SORCS1: variants seen among roughly 807,000 people sequenced by gnomAD.
SORCS1 encodes VPS10 domain-containing receptor SorCS1.
SORCS1 carries 60 observed loss-of-function variants against 146.1 expected under a neutral mutation model. The observed-to-expected ratio is 0.41, with a 90% CI of 0.33 to 0.51. The LOEUF (loss-of-function observed/expected upper bound fraction) is 0.51. SORCS1 is among the 20% of genes least tolerant of loss of function. The pLI, the probability that SORCS1 is intolerant of heterozygous loss-of-function variation, is 0.21. For synonymous variants in SORCS1, 637 were observed against 584.0 expected, an observed-to-expected ratio of 1.09 and a Z score of -1.31; for missense variants, 1,352 against 1,487.6, an observed-to-expected ratio of 0.91 and a Z score of 1.50.
chr10:107,091,851 G>T (rs1964206966), intron 1 of SORCS1, among the ~76,000 whole-genome samples: 1 of 152,036 alleles, frequency 6.6e-6, no homozygotes, highest in Non-Finnish European at 1.5e-5. Context: ...TTAATATTCT[G>T]CAATGGCCAA....
chr10:106,994,000 G>T (rs1358326667), intron 1 of SORCS1, among the ~76,000 whole-genome samples: 5 of 142,176 alleles, frequency 3.5e-5, no homozygotes, highest in Non-Finnish European at 6.0e-5. Flanking sequence ...GGTGGAGACT[G>T]CAGTGAGCCA....
Position 107,027,339 on chromosome 10 carries a change from T to C in SORCS1, c.559-70759A>G, listed in dbSNP as rs562162454. Among the ~76,000 whole-genome samples, 52 of 152,044 alleles carry C rather than the reference T, an allele frequency of 3.4e-4. 1 individual carries two copies. Among genetic ancestry groups the C allele is most frequent in the South Asian group, 8.3e-4 (4 of 4,800 alleles). ...GAGTAGGGTGATGGTGGCTCTCCAT[T>C]CCTCACTAATGTCCCCATCCGAGCA... On this transcript the variant is annotated intron_variant, in intron 1 of 25. Transcript: ENST00000263054.
chr10:106,850,354 T>C (rs1228109741), intron 2 of SORCS1, among the ~76,000 whole-genome samples: 1 of 152,062 alleles, frequency 6.6e-6, no homozygotes, highest in Non-Finnish European at 1.5e-5. Context: ...ATTTTCCAGG[T>C]GCGTCCGTCA....
intron 1 of SORCS1, among the ~76,000 whole-genome samples, chr10:107,102,107 G>A (rs1964966722): frequency 6.6e-6 from 1 of 152,156 alleles, no homozygotes; most frequent in African/African-American, 2.4e-5. Flanking sequence ...CTAATGACTA[G>A]CATAATGCAA....
chr10:106,670,448 A>G (rs535563755), intron 16 of SORCS1, among the ~76,000 whole-genome samples: 8 of 152,336 alleles, frequency 5.3e-5, no homozygotes, highest in African/African-American at 1.7e-4. Flanking sequence ...TTGCAATGCC[A>G]TTGAATCCAT....
At chr10:107,105,519 T>C (rs1328979035) in intron 1 of SORCS1, among the ~76,000 whole-genome samples, 1 of 152,166 alleles carries the variant, frequency 6.6e-6, no homozygotes, top group Non-Finnish European at 1.5e-5. Flanking sequence ...AGTCTGTGGC[T>C]GAAGGCCCGA....
chr10:106,776,718 G>T, intron 3 of SORCS1, 26 bp from the exon 4 acceptor site: 1 of 1,585,304 alleles, frequency 6.3e-7, no homozygotes, highest in Non-Finnish European at 8.6e-7. Flanking sequence ...GTTGGAGAAA[G>T]AAACAACAGA....
At chr10:106,872,332 G>C (rs1265685954) in intron 2 of SORCS1, among the ~76,000 whole-genome samples, 3 of 152,324 alleles carry the variant, frequency 2.0e-5, no homozygotes, top group African/African-American at 7.2e-5. Flanking sequence ...ACCAAGCTCA[G>C]GATATCTGAC....
At chr10:106,814,469 G>C (rs1947630740) in intron 3 of SORCS1, among the ~76,000 whole-genome samples, 1 of 152,126 alleles carries the variant, frequency 6.6e-6, no homozygotes, top group East Asian at 1.9e-4. Flanking sequence ...TCTAGTTAAA[G>C]GCAACCAGTC....
chr10:107,014,266 A>C (rs1425026917), intron 1 of SORCS1, among the ~76,000 whole-genome samples: 2 of 137,838 alleles, frequency 1.5e-5, no homozygotes, highest in East Asian at 3.9e-4. Flanking sequence ...AAAAAAAAAA[A>C]AAAAAAGAAA....
intron 2 of SORCS1, among the ~76,000 whole-genome samples, chr10:106,862,004 T>G (rs1183747910): frequency 6.6e-6 from 1 of 152,236 alleles, no homozygotes; most frequent in Non-Finnish European, 1.5e-5. Flanking sequence ...CATGTTTAAC[T>G]GAGCTTTTGT....
intron 2 of SORCS1, among the ~76,000 whole-genome samples, chr10:106,931,713 A>C (rs1953428919): frequency 6.6e-6 from 1 of 152,100 alleles, no homozygotes. Context: ...TCCTTTTTTT[A>C]GGGTTGTGTA....
chr10:106,996,533 T>G (rs563393585), intron 1 of SORCS1, among the ~76,000 whole-genome samples: 1 of 152,290 alleles, frequency 6.6e-6, no homozygotes, highest in South Asian at 2.1e-4. Context: ...CCTAGGATCC[T>G]TAGAAATCAG....
chr10:107,179,830 A>G, the SORCS1 span, among the ~76,000 whole-genome samples: 18 of 150,540 alleles, frequency 1.2e-4, no homozygotes, highest in Non-Finnish European at 2.4e-4. Flanking sequence ...TGTCAGATAT[A>G]CGGTTAGCAA....
At chr10:107,129,391 G>C (rs193150425) in intron 1 of SORCS1, among the ~76,000 whole-genome samples, 2 of 152,274 alleles carry the variant, frequency 1.3e-5, no homozygotes, top group African/African-American at 4.8e-5. Context: ...AACGTTAAGA[G>C]AAATACAATG....
intron 18 of SORCS1, among the ~76,000 whole-genome samples, chr10:106,644,389 G>A (rs1010850022): frequency 1.3e-5 from 2 of 151,636 alleles, no homozygotes; most frequent in Non-Finnish European, 2.9e-5. Context: ...TTATTGAGAC[G>A]GAGTCTAGCT....
intron 1 of SORCS1, among the ~76,000 whole-genome samples, chr10:107,038,861 C>G (rs2133977414): frequency 6.6e-6 from 1 of 152,208 alleles, no homozygotes; most frequent in South Asian, 2.1e-4. Context: ...AAGTTTATGG[C>G]ATGATAATCT....
At position 106,919,130 on chromosome 10, in the gene SORCS1, C is replaced by T. The variant is rs1198210421; in HGVS notation, c.626+37383G>A. ...GGAATTATTGGCATGAACCACCATGCCTGGCCTGCATATTGTGCATTTGAA... is the reference window on the plus strand; with the variant it reads ...GGAATTATTGGCATGAACCACCATGTCTGGCCTGCATATTGTGCATTTGAA... On this transcript the variant is annotated intron_variant, in intron 2 of 25. Transcript: ENST00000263054. 3.3e-5 allele frequency among the ~76,000 whole-genome samples: 5 copies of T among 152,204 alleles called. No homozygotes were observed. The East Asian group carries it at 5.8e-4, about 18-fold the overall frequency.
intron 2 of SORCS1, among the ~76,000 whole-genome samples, chr10:106,935,816 G>T (rs556054105): frequency 2.0e-5 from 3 of 152,312 alleles, no homozygotes; most frequent in Admixed American, 6.5e-5. Context: ...ACTTCTCACA[G>T]GATTCATCAA....
Sources: allele counts gnomAD v4.1 joint callset (sites outside exome capture counted in the v4.1 genomes callset), GRCh38; gene constraint gnomAD v4.1.1; transcripts MANE v1.5; gene names NCBI Gene and HGNC (gene_info 2026-07-23, HGNC 2026-07-21).